Variants in LYRM4 observed in about 807,000 individuals in gnomAD.
LYRM4 encodes LYR motif-containing protein 4.
A neutral mutation model predicts 11.7 loss-of-function variants in LYRM4; 9 were observed. The observed-to-expected ratio is 0.77, with a 90% CI of 0.46 to 1.34. LYRM4 has a LOEUF of 1.34. Among genes scored for constraint, LYRM4 ranks in the 40% most tolerant of loss-of-function variants. The probability of loss-of-function intolerance (pLI) is 0.00; values close to 1 mark genes in which losing one functional copy is unlikely to be tolerated. For synonymous variants in LYRM4, 42 were observed against 40.4 expected (o/e 1.04, Z -0.15); for missense variants, 133 against 112.5 (o/e 1.18, Z -0.82).
the LYRM4 span, among the ~76,000 whole-genome samples, chr6:5,062,081 CT>C: frequency 0.021 from 2,460 of 117,248 alleles, 12 homozygotes; most frequent in South Asian, 0.035. Flanking sequence ...CTTCCTTCTT[CT>C]TTTTTTTTTT....
rs118005188 is a variant in LYRM4, at chr6:5,175,924, C to T, written c.207+40694G>A. Among the ~76,000 whole-genome samples, 14 of 152,224 alleles carry T rather than the reference C, an allele frequency of 9.2e-5. No individual in the cohort carries two copies. The East Asian group carries it at 2.5e-3, about 27-fold the overall frequency. ...CTGGCCTAGGCACCAGACCTGTCTC[C>T]GGGTGATTCCAAACCCCAGCCATTT... On this transcript the variant is annotated intron_variant, in intron 2 of 2. Coordinates refer to ENST00000330636, the MANE Select transcript of LYRM4 (RefSeq NM_020408.6).
chr6:5,142,649 C>T (rs912162789), intron 2 of LYRM4, among the ~76,000 whole-genome samples: 14 of 152,198 alleles, frequency 9.2e-5, no homozygotes, highest in Admixed American at 5.9e-4. Context: ...ATTCCCCACC[C>T]CCTTCTACTG....
At chr6:5,057,668 TCG>T in the LYRM4 span, among the ~76,000 whole-genome samples, 2 of 148,306 alleles carry the variant, frequency 1.3e-5, no homozygotes, top group Non-Finnish European at 3.0e-5. Context: ...TGACCCGAGA[TCG>T]CACCACAGCA....
the LYRM4 span, among the ~76,000 whole-genome samples, chr6:5,046,598 A>G: frequency 6.6e-6 from 1 of 152,204 alleles, no homozygotes; most frequent in African/African-American, 2.4e-5. Context: ...GCGGCTGCAC[A>G]GGCATCTCGC....
At position 5,116,675 on chromosome 6, in the gene LYRM4, C is replaced by A. The variant is rs556782423; in HGVS notation, c.208-7184G>T. The stretch of plus-strand genomic sequence containing the variant: ...AGACTATTACTGTGCATAAATTGGT[C>A]ATTAAAGCTGATCACACTTTTATTC... On this transcript the variant is annotated intron_variant, in intron 2 of 2. Coordinates refer to ENST00000330636, the MANE Select transcript of LYRM4 (RefSeq NM_020408.6). Among the ~76,000 whole-genome samples the A allele has an allele frequency of 2.0e-5, 3 of 152,274 alleles. No homozygotes were observed. In the South Asian group the frequency reaches 6.2e-4, roughly 32 times the overall value.
chr6:5,169,069 T>C (rs2127664398), intron 2 of LYRM4, among the ~76,000 whole-genome samples: 1 of 152,244 alleles, frequency 6.6e-6, no homozygotes, highest in East Asian at 1.9e-4. Flanking sequence ...AAAAGACAAA[T>C]GTGCATTTGG....
At chr6:5,220,987 T>G (rs1209869239) in intron 1 of LYRM4, among the ~76,000 whole-genome samples, 3 of 152,136 alleles carry the variant, frequency 2.0e-5, no homozygotes, top group Non-Finnish European at 4.4e-5. Flanking sequence ...CATGCCACCA[T>G]GACCTGCTAA....
chr6:5,077,593 C>A, the LYRM4 span, among the ~76,000 whole-genome samples: 1 of 152,146 alleles, frequency 6.6e-6, no homozygotes. Context: ...TTTTAAAAAA[C>A]TATGAAATAT....
At chr6:5,123,280 G>A (rs2127604746) in intron 2 of LYRM4, among the ~76,000 whole-genome samples, 1 of 152,312 alleles carries the variant, frequency 6.6e-6, no homozygotes, top group Non-Finnish European at 1.5e-5. Flanking sequence ...GTTCCCAGAA[G>A]CCCTCAGGAA....
intron 1 of LYRM4, among the ~76,000 whole-genome samples, chr6:5,230,369 G>A (rs1302974993): frequency 6.6e-6 from 1 of 152,136 alleles, no homozygotes; most frequent in Non-Finnish European, 1.5e-5. Context: ...CACTGTGACA[G>A]TATAGTCCCC....
chr6:5,198,962 T>G (rs1399664887), intron 2 of LYRM4, among the ~76,000 whole-genome samples: 1 of 152,194 alleles, frequency 6.6e-6, no homozygotes, highest in African/African-American at 2.4e-5. Flanking sequence ...GTGGTAATAA[T>G]GCACAATGGT....
chr6:5,111,725 T>C (rs900496021), intron 2 of LYRM4, among the ~76,000 whole-genome samples: 1 of 152,134 alleles, frequency 6.6e-6, no homozygotes, highest in Non-Finnish European at 1.5e-5. Context: ...GAAGGAAAGG[T>C]GGCACCCTGG....
chr6:5,101,968 C>CTTTTTTTTTGTTTTTTTTTT (rs1762514698), downstream of LYRM4, among the ~76,000 whole-genome samples: 1 of 67,988 alleles, frequency 1.5e-5, no homozygotes, highest in East Asian at 6.5e-4. Context: ...CTAATGCTTT[C>CTTTTTTTTTGTTTTTTTTTT]TTTTTTTTTT....
intron 2 of LYRM4, among the ~76,000 whole-genome samples, chr6:5,173,495 T>C (rs35608724): frequency 0.01 from 1,546 of 152,362 alleles, 31 homozygotes; most frequent in African/African-American, 0.034. Flanking sequence ...AACAAATACC[T>C]GCATTAAAGA....
the LYRM4 span, among the ~76,000 whole-genome samples, chr6:5,058,085 C>T: frequency 6.6e-6 from 1 of 152,134 alleles, no homozygotes; most frequent in African/African-American, 2.4e-5. Context: ...CATTCCTCCA[C>T]ATTAGGTTCC....
chr6:5,245,089 TAAAAAAA>T (rs71540855), intron 1 of LYRM4, among the ~76,000 whole-genome samples: 273 of 15,412 alleles, frequency 0.018, 13 homozygotes, highest in African/African-American at 0.023. Flanking sequence ...AGGAAGACCT[TAAAAAAA>T]AAAAAAAAAA....
intron 1 of LYRM4, among the ~76,000 whole-genome samples, chr6:5,245,089 TAAAA>T (rs71540855): frequency 0.019 from 294 of 15,404 alleles, 27 homozygotes; most frequent in Middle Eastern, 0.1. Flanking sequence ...AGGAAGACCT[TAAAA>T]AAAAAAAAAA....
rs1319911091 is a variant in LYRM4 at position 5,222,949 on chromosome 6, T to C, written c.87-6211A>G. ...GAATAGGGCAAAGGTGTATAACCTA[T>C]GAATAATAAGTGTGAACAAACTGAA... On this transcript the variant is annotated intron_variant, in intron 1 of 2. Transcript: ENST00000330636. Among the ~76,000 whole-genome samples the C allele has an allele frequency of 2.0e-5, 3 of 152,086 alleles. No homozygotes were observed. The East Asian group carries it at 5.8e-4, about 29-fold the overall frequency.
At chr6:5,085,280 C>T in the LYRM4 span, 1 of 503,962 alleles carries the variant, frequency 2.0e-6, no homozygotes. Flanking sequence ...AGGCCCGCAT[C>T]CTCCTCCCAC....
Sources: gnomAD v4.1 joint callset for allele counts (sites outside exome capture counted in the v4.1 genomes callset) on GRCh38, gnomAD v4.1.1 for gene constraint, MANE v1.5 for transcripts, NCBI Gene and HGNC (gene_info 2026-07-23, HGNC 2026-07-21) for gene names.